MACF1: variants seen among roughly 807,000 people sequenced by gnomAD.
MACF1 encodes the protein microtubule-actin cross-linking factor 1.
Under a neutral mutation model 854.8 loss-of-function variants are expected in MACF1, and 193 were observed. The observed-to-expected ratio is 0.23, with a 90% confidence interval of 0.20 to 0.25. MACF1 has a LOEUF of 0.25. MACF1 is among the 10% of genes least tolerant of loss of function. The pLI is 1.00. For synonymous variants in MACF1, 3,185 were observed against 3,226.7 expected (o/e 0.99, Z 0.44); for missense variants, 7,722 against 8,929.1 (o/e 0.86, Z 5.45).
At chr1:39,329,890 T>C (rs933702476) in intron 36 of MACF1, among the ~76,000 whole-genome samples, 1 of 152,250 alleles carries the variant, frequency 6.6e-6, no homozygotes, top group Non-Finnish European at 1.5e-5. Flanking sequence ...GATGTGACTC[T>C]ACTGTACTTG....
In MACF1 at chr1:39,444,792, A is replaced by C. The variant is rs768553825; in HGVS notation, c.19562A>C (p.Glu6521Ala). The C allele has an allele frequency of 2.0e-5, 32 of 1,613,524 alleles. No individual in the cohort carries two copies. The South Asian group carries it at 3.4e-4, about 17-fold the overall frequency. ...SKTEQSVALLEQKWHVVSSKM... is the reference protein window; with the variant it reads ...SKTEQSVALLAQKWHVVSSKM... Reference sequence around the variant, plus strand: ...ACAGAACAGAGTGTAGCACTTTTGGAGCAGAAGTGGCATGTGGTCAGCAGT... The same window carrying C: ...ACAGAACAGAGTGTAGCACTTTTGGCGCAGAAGTGGCATGTGGTCAGCAGT... The change falls in exon 80 of 101, where the codon GAG becomes GCG. Residue 6521 changes from glutamate (E) to alanine (A), a missense_variant. By Grantham distance (107) the Glu-to-Ala change is moderately radical. Coordinates refer to ENST00000564288, the MANE Select transcript of MACF1 (RefSeq NM_001394062.1).
chr1:39,404,149 GTAAA>G (rs60859213), intron 58 of MACF1, among the ~76,000 whole-genome samples: 33,424 of 148,254 alleles, frequency 0.23, 4,625 homozygotes, highest in African/African-American at 0.39. Context: ...AAATAAGTAA[GTAAA>G]TAAATAAATA....
intron 58 of MACF1, chr1:39,413,936 C>T: frequency 1.2e-6 from 2 of 1,605,328 alleles, no homozygotes; most frequent in Non-Finnish European, 1.7e-6. Flanking sequence ...TCAGTGCCCA[C>T]CTCTGAGGAG....
intron 2 of MACF1, among the ~76,000 whole-genome samples, chr1:39,134,034 C>CTTT (rs754585049): frequency 0.022 from 1,539 of 71,570 alleles, 26 homozygotes; most frequent in East Asian, 0.027. Context: ...GAAGAACAGT[C>CTTT]TTTTTTTTTT....
rs138189653 is a variant in MACF1, at chr1:39,368,161, A to G, written c.12785A>G (p.Glu4262Gly). The change falls in exon 50 of 101, where the codon GAA becomes GGA. Residue 4262 changes from glutamate (E) to glycine (G), a missense_variant. Transcript: ENST00000564288. ...TTTGCTTGACAGGAGCTCAATTTGG[A>G]AATGGAAGACCAACAGGAGAACCTA... ...FFQQIQELNLEMEDQQENLDT... is the reference protein window; with the variant it reads ...FFQQIQELNLGMEDQQENLDT... The G allele has an allele frequency of 6.3e-5, 101 of 1,613,938 alleles. 1 individual carries two copies. In the East Asian group the frequency reaches 2.2e-3, roughly 35 times the overall value.
chr1:39,437,868 A>T lies in MACF1; in HGVS notation c.18080A>T (p.Lys6027Met). 6.2e-7 allele frequency: 1 copy of T among 1,614,142 alleles called. No individual in the cohort carries two copies. The highest frequency in any genetic ancestry group is 2.2e-5 in the East Asian group (1 of 44,876). The change falls in exon 71 of 101, where the codon AAG becomes ATG. Residue 6027 changes from lysine (K) to methionine (M), a missense_variant. Physicochemically the swap from Lys to Met is moderately conservative, Grantham distance 95. Coordinates refer to ENST00000564288, the MANE Select transcript of MACF1 (RefSeq NM_001394062.1). ...CCACTGATCCCTGCTGAAGTAGACA[A>T]GATCAGAGAGTGCATCAGTGACAAT... ...MPPLIPAEVDKIRECISDNKS... is the reference protein window; with the variant it reads ...MPPLIPAEVDMIRECISDNKS...
chr1:39,373,525 G>T (rs1339307762), intron 52 of MACF1: 1 of 145,210 alleles, frequency 6.9e-6, no homozygotes, highest in African/African-American at 2.6e-5. Context: ...GGGTAGGTAT[G>T]ATTGTGATAT....
Position 39,448,575 on chromosome 1 carries a change from T to A in MACF1, c.20089-19T>A. On this transcript the variant is annotated intron_variant, in intron 83 of 100. Coordinates refer to ENST00000564288, the MANE Select transcript of MACF1 (RefSeq NM_001394062.1). ...CGTCTGACTTTTAACACTTTTTTCT[T>A]TTCTTTCTGGAAACATAGGAGTTTC... is the stretch of plus-strand genomic sequence containing the variant. The A allele has an allele frequency of 2.0e-6, 3 of 1,472,316 alleles. No homozygotes were observed. Among genetic ancestry groups the A allele is most frequent in the Non-Finnish European group, 2.7e-6 (3 of 1,106,592 alleles). 91.2% of individuals were successfully genotyped at this position (1,472,316 alleles called of 1,614,324 possible).
chr1:39,477,090 T>TATATAC (rs1350608847), intron 97 of MACF1, among the ~76,000 whole-genome samples: 13 of 26,272 alleles, frequency 4.9e-4, no homozygotes, highest in Non-Finnish European at 8.0e-4. Flanking sequence ...TATATATATA[T>TATATAC]ACACACACAC....
intron 2 of MACF1, among the ~76,000 whole-genome samples, chr1:39,151,204 T>TA (rs1643570573): frequency 6.6e-6 from 1 of 152,216 alleles, no homozygotes; most frequent in Admixed American, 6.5e-5. Flanking sequence ...TCTTTGTCCA[T>TA]ACACCCTACC....
At chr1:39,412,503 G>C in intron 58 of MACF1, 9 of 1,614,018 alleles carry the variant, frequency 5.6e-6, no homozygotes, top group Non-Finnish European at 7.6e-6. Context: ...TCCCAGAGCA[G>C]GTCTTCCAGG....
At chr1:39,140,385 C>T (rs1378469108) in intron 2 of MACF1, among the ~76,000 whole-genome samples, 1 of 152,160 alleles carries the variant, frequency 6.6e-6, no homozygotes, top group East Asian at 1.9e-4. Flanking sequence ...CTACTTTGTA[C>T]TGTCCTTAGA....
chr1:39,417,713 A>ATTTTTTTTTTTTT lies in MACF1; in HGVS notation c.15817-4637_15817-4625dup, dbSNP rs56799242. Among the ~76,000 whole-genome samples the ATTTTTTTTTTTTT allele has an allele frequency of 2.7e-4, 15 of 55,832 alleles. 1 individual carries two copies. The highest frequency in any genetic ancestry group is 4.3e-4 in the East Asian group (1 of 2,314). The allele number at this position is 55,832 out of a possible 152,430, so 36.6% of individuals were successfully genotyped here. A position where few individuals can be genotyped will look rare whatever the true frequency, so the allele number is the denominator to read the frequency against. ...AGGAATGTGCCACCACACCCAGTTAATTTTTTTTTTTTTTTTTTTTTTTTT... is the reference window on the plus strand; with the variant it reads ...AGGAATGTGCCACCACACCCAGTTAATTTTTTTTTTTTTTTTTTTTTTTTTTTTTTTTTTTTTT... On this transcript the variant is annotated intron_variant, in intron 58 of 100. Coordinates refer to ENST00000564288, the MANE Select transcript of MACF1 (RefSeq NM_001394062.1).
In MACF1 at chr1:39,361,629, T is replaced by A; in HGVS notation, c.12723T>A (p.Ser4241=). 6.2e-7 allele frequency: 1 copy of A among 1,614,196 alleles called. No homozygotes were observed. The highest frequency in any genetic ancestry group is 1.1e-5 in the South Asian group (1 of 91,086). Residue 4241 remains serine, a synonymous_variant, in exon 49 of 101, where the codon TCT becomes TCA. Transcript: ENST00000564288. ...FMENKSRMLA[S]GNQPDQDITH... is the part of the protein sequence containing the mutation. ...AAAACAAAAGTCGGATGCTGGCCTCTGGAAATCAGCCAGATCAAGATATTA... is the reference window on the plus strand; with the variant it reads ...AAAACAAAAGTCGGATGCTGGCCTCAGGAAATCAGCCAGATCAAGATATTA...
intron 53 of MACF1, 31 bp from the exon 54 acceptor site, chr1:39,379,172 T>C (rs752310761): frequency 6.5e-7 from 1 of 1,543,244 alleles, no homozygotes; most frequent in Admixed American, 2.0e-5. Flanking sequence ...AAGAGCTGTC[T>C]CCAATCTGAT....
chr1:39,320,170 A>G (rs1257479839), intron 31 of MACF1, among the ~76,000 whole-genome samples: 1 of 152,158 alleles, frequency 6.6e-6, no homozygotes, highest in East Asian at 1.9e-4. Flanking sequence ...CTTGTCTTCA[A>G]ACATGTCCCA....
intron 30 of MACF1, 131 bp downstream of exon 30, chr1:39,318,746 G>A: frequency 2.0e-6 from 2 of 1,025,222 alleles, no homozygotes; most frequent in Non-Finnish European, 2.7e-6. Context: ...TCTTTGAGTG[G>A]TTTGAGCAGG....
At chr1:39,218,377 T>A (rs1005423975) in intron 1 of MACF1, among the ~76,000 whole-genome samples, 2 of 152,128 alleles carry the variant, frequency 1.3e-5, no homozygotes, top group Admixed American at 1.3e-4. Flanking sequence ...GAAATGAATG[T>A]CATGCAAAGG....
At chr1:39,163,088 C>A (rs1417114485) in intron 2 of MACF1, among the ~76,000 whole-genome samples, 1 of 152,048 alleles carries the variant, frequency 6.6e-6, no homozygotes, top group African/African-American at 2.4e-5. Flanking sequence ...CATGGTGGCT[C>A]ACGCCTGTAA....
Sources: allele counts gnomAD v4.1 joint callset (sites outside exome capture counted in the v4.1 genomes callset), GRCh38; gene constraint gnomAD v4.1.1; transcripts MANE v1.5; gene names NCBI Gene and HGNC (gene_info 2026-07-23, HGNC 2026-07-21).